The following TSHZ2 variants were observed in gnomAD, a reference collection of about 807,000 sequenced individuals.
TSHZ2 encodes the protein teashirt zinc finger homeobox 2.
Under a neutral mutation model 74.4 loss-of-function variants are expected in TSHZ2, and 21 were observed. The ratio of observed to expected loss-of-function variants is 0.28; its 90% CI spans 0.20 to 0.41. The LOEUF (loss-of-function observed/expected upper bound fraction) is 0.41. Ranked by LOEUF, TSHZ2 falls within the 10% of genes least tolerant of loss-of-function variation. TSHZ2 has a pLI of 1.00. For missense variants in TSHZ2, 1,244 were observed against 1,293.5 expected (o/e 0.96, Z 0.59); for synonymous variants, 540 against 515.3 (o/e 1.05, Z -0.65).
intron 1 of TSHZ2, among the ~76,000 whole-genome samples, chr20:53,110,731 C>T (rs1986510015): frequency 7.0e-6 from 1 of 143,244 alleles, no homozygotes; most frequent in Non-Finnish European, 1.6e-5. Flanking sequence ...AGGCAGATAA[C>T]ATTAAAATAA....
chr20:53,494,619 T>G lies in TSHZ2; in HGVS notation c.*7484T>G, dbSNP rs550810895. 2 of 151,498 alleles carry G rather than the reference T, an allele frequency of 1.3e-5. No homozygotes were observed. The highest frequency in any genetic ancestry group is 6.6e-5 in the Admixed American group (1 of 15,142). The allele number at this position is 151,498 out of a possible 1,614,324, so 9.4% of individuals were successfully genotyped here. A position where few individuals can be genotyped will look rare whatever the true frequency, so the allele number is the denominator to read the frequency against. ...TTAAATTATATCACAAAAGCCATTATTTTTTGCATCCAAAGAGTTTTTTTT... is the reference window on the plus strand; with the variant it reads ...TTAAATTATATCACAAAAGCCATTAGTTTTTGCATCCAAAGAGTTTTTTTT... On this transcript the variant is annotated 3_prime_UTR_variant, in exon 3 of 3. Transcript: ENST00000371497.
intron 1 of TSHZ2, among the ~76,000 whole-genome samples, chr20:53,059,438 C>T (rs1467969438): frequency 2.0e-5 from 3 of 152,014 alleles, no homozygotes; most frequent in Non-Finnish European, 4.4e-5. Flanking sequence ...CGAGAAAAGA[C>T]TAGGAAAAAA....
At chr20:53,465,703 C>A (rs868857945) in intron 2 of TSHZ2, among the ~76,000 whole-genome samples, 48 of 152,106 alleles carry the variant, frequency 3.2e-4, no homozygotes, top group African/African-American at 1.2e-3. Flanking sequence ...GTTTTCTGAT[C>A]TCTCAAAAAG....
chr20:53,423,920 C>T (rs866932956), intron 2 of TSHZ2, among the ~76,000 whole-genome samples: 51 of 152,166 alleles, frequency 3.4e-4, no homozygotes, highest in African/African-American at 1.2e-3. Context: ...GTGCTGTTAG[C>T]GCCTACAGAC....
At chr20:53,481,978 C>T (rs896261127) in intron 2 of TSHZ2, among the ~76,000 whole-genome samples, 1 of 151,938 alleles carries the variant, frequency 6.6e-6, no homozygotes, top group South Asian at 2.1e-4. Context: ...GTGGCGTATG[C>T]CTGTAATCCC....
At chr20:53,310,124 GA>G (rs1978716568) in intron 2 of TSHZ2, among the ~76,000 whole-genome samples, 1 of 152,222 alleles carries the variant, frequency 6.6e-6, no homozygotes, top group Non-Finnish European at 1.5e-5. Flanking sequence ...GAGCCCAGGA[GA>G]CAGGAGACCT....
chr20:53,387,479 C>T (rs1057348011), intron 2 of TSHZ2, among the ~76,000 whole-genome samples: 3 of 152,150 alleles, frequency 2.0e-5, no homozygotes, highest in Non-Finnish European at 4.4e-5. Context: ...CATGACAGAA[C>T]AGCAGTCACA....
At chr20:53,465,050 A>G (rs539329119) in intron 2 of TSHZ2, among the ~76,000 whole-genome samples, 1 of 152,318 alleles carries the variant, frequency 6.6e-6, no homozygotes, top group African/African-American at 2.4e-5. Context: ...TACTTCAGGA[A>G]AGGGCAGGGG....
intron 2 of TSHZ2, among the ~76,000 whole-genome samples, chr20:53,383,589 A>G (rs956349911): frequency 2.6e-5 from 4 of 151,968 alleles, no homozygotes; most frequent in Non-Finnish European, 5.9e-5. Flanking sequence ...GTGAAACCCC[A>G]TCTCTACTAA....
intron 2 of TSHZ2, among the ~76,000 whole-genome samples, chr20:53,267,363 G>A (rs1990742343): frequency 6.6e-6 from 1 of 152,218 alleles, no homozygotes; most frequent in Admixed American, 6.5e-5. Flanking sequence ...GAGAGGGAGA[G>A]CATGGATGGT....
intron 1 of TSHZ2, among the ~76,000 whole-genome samples, chr20:53,134,115 A>G (rs1193952151): frequency 6.6e-6 from 1 of 152,212 alleles, no homozygotes; most frequent in Non-Finnish European, 1.5e-5. Context: ...TACTTGCCCC[A>G]TGAGTCTCAA....
intron 1 of TSHZ2, among the ~76,000 whole-genome samples, chr20:53,187,504 A>G (rs1395718932): frequency 6.6e-6 from 1 of 152,156 alleles, no homozygotes; most frequent in Non-Finnish European, 1.5e-5. Flanking sequence ...CTTTTATCCA[A>G]GAATAACTGT....
At chr20:53,232,996 A>T (rs1057010146) in intron 1 of TSHZ2, among the ~76,000 whole-genome samples, 2 of 152,232 alleles carry the variant, frequency 1.3e-5, no homozygotes, top group African/African-American at 4.8e-5. Flanking sequence ...ACTCTTTTAG[A>T]CTTCTTTTTA....
intron 1 of TSHZ2, among the ~76,000 whole-genome samples, chr20:53,158,812 G>T (rs1987858225): frequency 6.6e-6 from 1 of 152,182 alleles, no homozygotes; most frequent in African/African-American, 2.4e-5. Context: ...TGCACACCCA[G>T]ACTTCCTGTA....
At chr20:53,121,530 A>T (rs1244325413) in intron 1 of TSHZ2, among the ~76,000 whole-genome samples, 1 of 151,490 alleles carries the variant, frequency 6.6e-6, no homozygotes, top group East Asian at 1.9e-4. Flanking sequence ...CTGAAGACTC[A>T]TAGCCTCTGG....
intron 2 of TSHZ2, among the ~76,000 whole-genome samples, chr20:53,342,928 C>T (rs556987917): frequency 6.4e-5 from 9 of 140,720 alleles, no homozygotes; most frequent in South Asian, 2.3e-4. Flanking sequence ...CCTAAGAACC[C>T]GTATTTCTTT....
chr20:53,250,716 T>C (rs569252219), intron 1 of TSHZ2, among the ~76,000 whole-genome samples: 6 of 152,204 alleles, frequency 3.9e-5, no homozygotes, highest in African/African-American at 1.4e-4. Flanking sequence ...AAATTTTATC[T>C]GTATTGTGGG....
chr20:52,994,377 A>G (rs1183734251), intron 1 of TSHZ2, among the ~76,000 whole-genome samples: 2 of 151,774 alleles, frequency 1.3e-5, no homozygotes, highest in Admixed American at 1.3e-4. Context: ...TGGATGGATG[A>G]ATGGATGGAT....
At chr20:53,185,886 C>A (rs887549229) in intron 1 of TSHZ2, among the ~76,000 whole-genome samples, 1 of 152,202 alleles carries the variant, frequency 6.6e-6, no homozygotes, top group African/African-American at 2.4e-5. Context: ...TGGCTCTTAA[C>A]TTTGATTCTT....
Sources: allele counts gnomAD v4.1 joint callset (sites outside exome capture counted in the v4.1 genomes callset), GRCh38; gene constraint gnomAD v4.1.1; transcripts MANE v1.5; gene names NCBI Gene and HGNC (gene_info 2026-07-23, HGNC 2026-07-21).